The following MGAT3 variants were observed in gnomAD, a reference collection of about 807,000 sequenced individuals.
MGAT3 encodes GlcNAc-T III.
A neutral mutation model predicts 29.8 loss-of-function variants in MGAT3; 9 were observed. The observed-to-expected ratio is 0.30, with a 90% CI of 0.18 to 0.53. MGAT3 has a LOEUF of 0.53. Ranked by LOEUF, MGAT3 falls within the 20% of genes least tolerant of loss-of-function variation. The pLI is 0.96. For missense variants in MGAT3, 557 were observed against 769.5 expected, an observed-to-expected ratio of 0.72 and a Z score of 3.27; for synonymous variants, 397 against 348.9, an observed-to-expected ratio of 1.14 and a Z score of -1.54.
At chr22:39,469,709 C>A (rs1245162777) in intron 1 of MGAT3, among the ~76,000 whole-genome samples, 1 of 152,236 alleles carries the variant, frequency 6.6e-6, no homozygotes, top group African/African-American at 2.4e-5. Context: ...GGAGCACCCT[C>A]CCTTCCATTT....
rs139812692 is a variant in MGAT3 at position 39,488,274 on chromosome 22, C to T, written c.927C>T (p.Pro309=). The change falls in exon 2 of 2, where the codon CCC becomes CCT. Residue 309 remains proline (P), a synonymous_variant. Transcript: ENST00000341184. ...TCTCGCGGCTGCGCAACCTGCGGCC[C>T]GACGACGTCTTCATCATTGACGATG... The part of the protein sequence containing the change: ...DGVSRLRNLR[P]DDVFIIDDAD... 868 of 1,611,442 alleles carry T rather than the reference C, an allele frequency of 5.4e-4. 8 individuals are homozygous for T. In the East Asian group the frequency reaches 8.8e-3, roughly 16 times the overall value.
chr22:39,475,839 ATGG>A (rs1569002683), intron 1 of MGAT3: 2 of 152,280 alleles, frequency 1.3e-5, no homozygotes, highest in Non-Finnish European at 2.9e-5. Context: ...TAAGCTGGGT[ATGG>A]TGGTGTGAGA....
chr22:39,489,340 A>C lies in MGAT3; in HGVS notation c.*391A>C. On this transcript the variant is annotated 3_prime_UTR_variant, in exon 2 of 2. Coordinates refer to ENST00000341184, the MANE Select transcript of MGAT3 (RefSeq NM_002409.5). Reference sequence around the variant, plus strand: ...TGGCCAGGCCGGGAAAAAGCCCACCATTTGGCATCCCTGGGCCTTGGGCTC... The same window carrying C: ...TGGCCAGGCCGGGAAAAAGCCCACCCTTTGGCATCCCTGGGCCTTGGGCTC... 1 of 256,060 alleles carries C rather than the reference A, an allele frequency of 3.9e-6. No homozygotes were observed. The highest frequency in any genetic ancestry group is 5.0e-5 in the Admixed American group (1 of 19,884). The allele number at this position is 256,060 out of a possible 1,614,324, so 15.9% of individuals were successfully genotyped here.
rs540235204 is a variant in MGAT3, at chr22:39,459,366, G to A, written c.-2+1809G>A. ...TGGGATTACAGGCGTGAGCCACCTC[G>A]CCCAACCCTGATGATTTCTTTTTCT... On this transcript the variant is annotated intron_variant, in intron 1 of 1. Coordinates refer to ENST00000341184, the MANE Select transcript of MGAT3 (RefSeq NM_002409.5). Among the ~76,000 whole-genome samples the A allele has an allele frequency of 2.6e-5, 4 of 152,020 alleles. No homozygotes were observed. The South Asian group carries it at 6.2e-4, about 24-fold the overall frequency.
chr22:39,471,277 G>T (rs1408294853), intron 1 of MGAT3, among the ~76,000 whole-genome samples: 1 of 152,178 alleles, frequency 6.6e-6, no homozygotes, highest in African/African-American at 2.4e-5. Flanking sequence ...TGGGAGGTGG[G>T]TAGGGAGCTG....
At chr22:39,481,998 C>T (rs1262938541) in intron 1 of MGAT3, among the ~76,000 whole-genome samples, 2 of 152,184 alleles carry the variant, frequency 1.3e-5, no homozygotes, top group Non-Finnish European at 2.9e-5. Context: ...CCTGCCCAGG[C>T]TGGAGTGCAG....
Position 39,489,051 on chromosome 22 carries a change from GGA to G in MGAT3, c.*104_*105del. The stretch of plus-strand genomic sequence containing the variant: ...GGCTCCTTGGTTCTTGAGGGGACCA[GGA>G]GTGGGTGGGGAGTGGGGGTGGGGGT... On this transcript the variant is annotated 3_prime_UTR_variant, in exon 2 of 2. Coordinates refer to ENST00000341184, the MANE Select transcript of MGAT3 (RefSeq NM_002409.5). 5.5e-5 allele frequency: 74 copies of G among 1,353,138 alleles called. No homozygotes were observed. Among genetic ancestry groups the G allele is most frequent in the East Asian group, 7.7e-5 (3 of 38,996 alleles). 83.8% of individuals were successfully genotyped at this position (1,353,138 alleles called of 1,614,324 possible).
chr22:39,481,197 G>A (rs1929117233), intron 1 of MGAT3, among the ~76,000 whole-genome samples: 1 of 152,032 alleles, frequency 6.6e-6, no homozygotes, highest in Non-Finnish European at 1.5e-5. Context: ...CTCCTGCCAG[G>A]GCACTGGTTG....
intron 1 of MGAT3, among the ~76,000 whole-genome samples, chr22:39,482,686 A>G (rs911650256): frequency 6.6e-6 from 1 of 152,242 alleles, no homozygotes; most frequent in African/African-American, 2.4e-5. Context: ...GATTGAAACT[A>G]TGCGGGCAGC....
intron 1 of MGAT3, among the ~76,000 whole-genome samples, chr22:39,481,290 G>A (rs1444006493): frequency 6.6e-6 from 1 of 152,186 alleles, no homozygotes; most frequent in East Asian, 1.9e-4. Flanking sequence ...AGCCTGCCCT[G>A]CCCACTCCAT....
intron 1 of MGAT3, among the ~76,000 whole-genome samples, chr22:39,464,629 C>T (rs1446783313): frequency 6.6e-6 from 1 of 151,782 alleles, no homozygotes; most frequent in Non-Finnish European, 1.5e-5. Context: ...TTAGTAGAGA[C>T]GGGGTTTCAT....
Position 39,489,026 on chromosome 22 carries a change from G to A in MGAT3, c.*77G>A. ...TAGCGCTATCTCCCTGCCTCCTGCCGGCTCCTTGGTTCTTGAGGGGACCAG... is the reference window on the plus strand; with the variant it reads ...TAGCGCTATCTCCCTGCCTCCTGCCAGCTCCTTGGTTCTTGAGGGGACCAG... On this transcript the variant is annotated 3_prime_UTR_variant, in exon 2 of 2. Transcript: ENST00000341184. 4 of 1,471,314 alleles carry A rather than the reference G, an allele frequency of 2.7e-6. 1 individual carries two copies. In the South Asian group the frequency reaches 4.2e-5, roughly 16 times the overall value. The allele number at this position is 1,471,314 out of a possible 1,614,324, so 91.1% of individuals were successfully genotyped here.
chr22:39,488,106 C>G lies in MGAT3; in HGVS notation c.759C>G (p.Phe253Leu). The G allele has an allele frequency of 6.2e-7, 1 of 1,612,712 alleles. No individual in the cohort carries two copies. The highest frequency in any genetic ancestry group is 8.5e-7 in the Non-Finnish European group (1 of 1,179,584). The change falls in exon 2 of 2, where the codon TTC (phenylalanine) becomes TTG (leucine). Residue 253 changes from phenylalanine (F) to leucine (L), a missense_variant. Physicochemically the swap from Phe to Leu is conservative, Grantham distance 22. Coordinates refer to ENST00000341184, the MANE Select transcript of MGAT3 (RefSeq NM_002409.5). ...ATGGGGAGCCGCGGCCGCTCAAGTT[C>G]CGGGAGATGCTGACCAATGGCACCT... ...TAYGEPRPLKFREMLTNGTFE... is the reference protein window; with the variant it reads ...TAYGEPRPLKLREMLTNGTFE...
chr22:39,461,081 C>T (rs993365058), intron 1 of MGAT3, among the ~76,000 whole-genome samples: 7 of 152,274 alleles, frequency 4.6e-5, no homozygotes, highest in African/African-American at 1.4e-4. Context: ...CTCTGGGAAA[C>T]AAACCCCTGA....
At chr22:39,475,973 G>C (rs919099694) in intron 1 of MGAT3, 1 of 152,340 alleles carries the variant, frequency 6.6e-6, no homozygotes, top group African/African-American at 2.4e-5. Context: ...TATGGAATGA[G>C]CCTCTGGGGA....
chr22:39,465,776 A>G (rs1166975869), intron 1 of MGAT3, among the ~76,000 whole-genome samples: 1 of 152,040 alleles, frequency 6.6e-6, no homozygotes, highest in African/African-American at 2.4e-5. Context: ...TACTAAAAAT[A>G]CAAAAATTAG....
intron 1 of MGAT3, among the ~76,000 whole-genome samples, chr22:39,485,161 CG>C (rs1929235973): frequency 6.6e-6 from 1 of 152,338 alleles, no homozygotes; most frequent in African/African-American, 2.4e-5. Context: ...GGGTTCCCCC[CG>C]GACAGGTCAC....
chr22:39,462,014 C>T (rs1032609228), intron 1 of MGAT3, among the ~76,000 whole-genome samples: 13 of 152,058 alleles, frequency 8.5e-5, no homozygotes, highest in Admixed American at 6.6e-4. Flanking sequence ...TGATTCTCCT[C>T]CCTCAGCCTC....
intron 1 of MGAT3, among the ~76,000 whole-genome samples, chr22:39,465,630 C>G (rs1284528262): frequency 6.6e-6 from 1 of 152,098 alleles, no homozygotes; most frequent in Non-Finnish European, 1.5e-5. Context: ...TATTTTGGCA[C>G]CGTGGCCCAT....
Sources: gnomAD v4.1 joint callset for allele counts (sites outside exome capture counted in the v4.1 genomes callset) on GRCh38, gnomAD v4.1.1 for gene constraint, MANE v1.5 for transcripts, NCBI Gene and HGNC (gene_info 2026-07-23, HGNC 2026-07-21) for gene names.